TERF2: variants seen among roughly 807,000 people sequenced by gnomAD.
The protein encoded by TERF2 is telomeric repeat-binding factor 2.
In TERF2, 16 loss-of-function variants were observed where a neutral mutation model predicts 56.1. The observed-to-expected ratio is 0.29, with a 90% CI of 0.19 to 0.43. The LOEUF (loss-of-function observed/expected upper bound fraction) is 0.43, where lower values mean the gene tolerates loss of function less well. Among genes scored for constraint, TERF2 ranks in the 20% least tolerant of loss-of-function variants. TERF2 has a pLI of 1.00. For missense variants in TERF2, 547 were observed against 712.9 expected (o/e 0.77, Z 2.65); for synonymous variants, 296 against 282.1 (o/e 1.05, Z -0.50).
At chr16:69,364,034 C>A (rs1328729802) in intron 7 of TERF2, among the ~76,000 whole-genome samples, 1 of 152,150 alleles carries the variant, frequency 6.6e-6, no homozygotes, top group Non-Finnish European at 1.5e-5. Context: ...AGACAGACAA[C>A]TCATGTGGCC....
intron 4 of TERF2, among the ~76,000 whole-genome samples, chr16:69,371,427 G>C (rs1430756153): frequency 6.6e-6 from 1 of 151,102 alleles, no homozygotes; most frequent in Admixed American, 6.6e-5. Context: ...CTTGAAACTG[G>C]GAGGTGGAAG....
intron 3 of TERF2, among the ~76,000 whole-genome samples, chr16:69,377,955 C>T (rs2013855400): frequency 6.6e-6 from 1 of 151,968 alleles, no homozygotes; most frequent in Admixed American, 6.6e-5. Context: ...TGCCTTATTG[C>T]ACTGGTTAGG....
Position 69,361,451 on chromosome 16 carries a change from T to A in TERF2, c.1379A>T (p.Glu460Val). The A allele has an allele frequency of 6.2e-7, 1 of 1,614,132 alleles. No homozygotes were observed. Among genetic ancestry groups the A allele is most frequent in the Non-Finnish European group, 8.5e-7 (1 of 1,179,978 alleles). ...KGKWNSSNGV[E>V]EKETWVEEDE... ...CTCTTCCACCCAAGTCTCCTTTTCT[T>A]CAACCCCATTAGAGCTGTTCCACTT... is the stretch of plus-strand genomic sequence containing the variant. Residue 460 changes from glutamate to valine, a missense_variant, in exon 8 of 10, where the codon GAA becomes GTA. Coordinates refer to ENST00000254942, the MANE Select transcript of TERF2 (RefSeq NM_005652.5).
intron 3 of TERF2, among the ~76,000 whole-genome samples, chr16:69,376,275 A>G (rs2013774873): frequency 6.6e-6 from 1 of 152,118 alleles, no homozygotes; most frequent in Non-Finnish European, 1.5e-5. Flanking sequence ...TGGACATTCA[A>G]TTGTTTCAAT....
chr16:69,384,784 A>C, intron 2 of TERF2, 74 bp from the exon 3 acceptor site: 1 of 1,341,224 alleles, frequency 7.5e-7, no homozygotes, highest in Non-Finnish European at 1.0e-6. Flanking sequence ...AATTATATAT[A>C]TATATTTATG....
At chr16:69,371,286 G>A (rs1231943304) in intron 4 of TERF2, among the ~76,000 whole-genome samples, 1 of 151,156 alleles carries the variant, frequency 6.6e-6, no homozygotes, top group Non-Finnish European at 1.5e-5. Flanking sequence ...ATCACTTGAG[G>A]TCAGGAGTTT....
intron 3 of TERF2, among the ~76,000 whole-genome samples, chr16:69,376,453 G>C (rs1455040616): frequency 6.6e-6 from 1 of 152,102 alleles, no homozygotes; most frequent in Non-Finnish European, 1.5e-5. Context: ...AAATTGGGTA[G>C]TATGAATCCA....
chr16:69,357,437 T>C, intron 9 of TERF2, 81 bp downstream of exon 9: 3 of 1,225,024 alleles, frequency 2.4e-6, no homozygotes, highest in Non-Finnish European at 3.6e-6. Flanking sequence ...ACATAACCAG[T>C]CTATACCTGT....
chr16:69,371,663 A>C (rs2013581711), intron 4 of TERF2, among the ~76,000 whole-genome samples: 1 of 152,018 alleles, frequency 6.6e-6, no homozygotes, highest in South Asian at 2.1e-4. Flanking sequence ...AAAAATTTAA[A>C]AATTAGCCAT....
intron 8 of TERF2, among the ~76,000 whole-genome samples, chr16:69,360,410 C>A (rs921510540): frequency 2.0e-5 from 3 of 149,722 alleles, no homozygotes. Flanking sequence ...AAAAAGAAAA[C>A]AATTTTGGTA....
intron 3 of TERF2, among the ~76,000 whole-genome samples, chr16:69,381,354 G>A (rs1242448213): frequency 2.6e-5 from 4 of 152,104 alleles, no homozygotes; most frequent in African/African-American, 9.7e-5. Context: ...TGTTCTTCAG[G>A]TAAAATAGTA....
chr16:69,377,938 TC>T (rs1567454068), intron 3 of TERF2, among the ~76,000 whole-genome samples: 1 of 152,182 alleles, frequency 6.6e-6, no homozygotes, highest in Non-Finnish European at 1.5e-5. Flanking sequence ...GTATGCTTTT[TC>T]CCCCTTGCCT....
At chr16:69,376,763 A>G (rs1304130840) in intron 3 of TERF2, among the ~76,000 whole-genome samples, 1 of 148,120 alleles carries the variant, frequency 6.8e-6, no homozygotes, top group Non-Finnish European at 1.5e-5. Context: ...AAGAGGGTAA[A>G]GTGGGAAGAG....
At chr16:69,372,005 T>C (rs1236274185) in intron 4 of TERF2, among the ~76,000 whole-genome samples, 1 of 152,202 alleles carries the variant, frequency 6.6e-6, no homozygotes, top group Non-Finnish European at 1.5e-5. Context: ...CTGGTGCTGA[T>C]CATTTAAATC....
At chr16:69,369,152 T>C (rs1030501406) in intron 5 of TERF2, among the ~76,000 whole-genome samples, 6 of 152,152 alleles carry the variant, frequency 3.9e-5, no homozygotes, top group Admixed American at 2.6e-4. Flanking sequence ...TCCAGTTACC[T>C]GGAATGGAAA....
chr16:69,367,491 G>A (rs1329407723), intron 6 of TERF2, among the ~76,000 whole-genome samples: 2 of 152,026 alleles, frequency 1.3e-5, no homozygotes, highest in African/African-American at 2.4e-5. Flanking sequence ...GGGCTCAAGC[G>A]ATCCACCCAC....
At chr16:69,385,265 G>A (rs1349392724) in intron 2 of TERF2, 126 bp downstream of exon 2, 4 of 781,030 alleles carry the variant, frequency 5.1e-6, no homozygotes, top group African/African-American at 1.7e-5. Flanking sequence ...ACCCATCGTA[G>A]AATGAAAAAG....
intron 8 of TERF2, among the ~76,000 whole-genome samples, chr16:69,360,482 T>C (rs141853653): frequency 6.6e-5 from 10 of 151,984 alleles, no homozygotes; most frequent in African/African-American, 1.7e-4. Context: ...GGCAGACAGA[T>C]TGCTTGAGCC....
In TERF2 at chr16:69,385,680, C is replaced by A. The variant is rs775350860; in HGVS notation, c.292G>T (p.Val98Leu). 2 of 1,610,084 alleles carry A rather than the reference C, an allele frequency of 1.2e-6. No homozygotes were observed. The highest frequency in any genetic ancestry group is 1.7e-6 in the Non-Finnish European group (2 of 1,178,984). ...ARLEEAVNRW[V>L]LKFYFHEALR... is the part of the protein sequence containing the mutation. ...GCCTCGTGGAAGTAGAACTTGAGCA[C>A]CCAGCGATTGACTGCCTCTTCCAGC... is the stretch of plus-strand genomic sequence containing the variant. The change falls in exon 1 of 10, where the codon GTG becomes TTG. Residue 98 changes from valine to leucine, a missense_variant. Around this residue, in one of 6 missense-constraint regions of TERF2, gnomAD observed 120 missense variants for 172.4 expected, o/e 0.70. Transcript: ENST00000254942.
Sources: gnomAD v4.1 joint callset for allele counts (sites outside exome capture counted in the v4.1 genomes callset) on GRCh38, gnomAD v4.1.1 for gene constraint, gnomAD v4.1.1 regional missense constraint, MANE v1.5 for transcripts, NCBI Gene and HGNC (gene_info 2026-07-23, HGNC 2026-07-21) for gene names.